The following CNTNAP2 variants were observed in gnomAD, a reference collection of about 807,000 sequenced individuals.
CNTNAP2 encodes contactin-associated protein-like 2.
In CNTNAP2, 98 loss-of-function variants were observed where a neutral mutation model predicts 155.2. The observed-to-expected ratio is 0.63, with a 90% CI of 0.54 to 0.75. The LOEUF is 0.75. Among genes scored for constraint, CNTNAP2 ranks in the 30% least tolerant of loss-of-function variants. The pLI is 0.00. For synonymous variants in CNTNAP2, 651 were observed against 631.2 expected (o/e 1.03, Z -0.47); for missense variants, 1,727 against 1,688.1 (o/e 1.02, Z -0.40).
At position 147,186,921 on chromosome 7, in the gene CNTNAP2, C is replaced by T. The variant is rs142825899; in HGVS notation, c.1348+54412C>T. 3.3e-3 allele frequency among the ~76,000 whole-genome samples: 313 copies of T among 94,302 alleles called. 19 individuals carry two copies. The highest frequency in any genetic ancestry group is 8.0e-3 in the African/African-American group (299 of 37,220). 61.9% of individuals were successfully genotyped at this position (94,302 alleles called of 152,430 possible). The stretch of plus-strand genomic sequence containing the variant: ...AAACTGTAGTGCATATTGTTATCAC[C>T]TGGCAGACTTGTTAAACTGAAGGTT... On this transcript the variant is annotated intron_variant, in intron 8 of 23. Coordinates refer to ENST00000361727, the MANE Select transcript of CNTNAP2 (RefSeq NM_014141.6).
At chr7:147,872,751 T>C (rs1799349931) in intron 13 of CNTNAP2, among the ~76,000 whole-genome samples, 1 of 152,226 alleles carries the variant, frequency 6.6e-6, no homozygotes, top group African/African-American at 2.4e-5. Context: ...CGTAGATTAC[T>C]TCCTCAATTC....
At chr7:147,175,260 C>CTTT (rs1417078711) in intron 8 of CNTNAP2, among the ~76,000 whole-genome samples, 3 of 90,880 alleles carry the variant, frequency 3.3e-5, no homozygotes, top group Non-Finnish European at 6.8e-5. Context: ...AGCCCTTCTG[C>CTTT]TCTTTTTTTG....
At chr7:147,223,528 G>A (rs1803452776) in intron 8 of CNTNAP2, among the ~76,000 whole-genome samples, 1 of 152,188 alleles carries the variant, frequency 6.6e-6, no homozygotes, top group African/African-American at 2.4e-5. Context: ...GCATTGTGAT[G>A]CACTGGGGAA....
At chr7:147,046,195 C>T (rs1799352854) in intron 4 of CNTNAP2, among the ~76,000 whole-genome samples, 1 of 152,160 alleles carries the variant, frequency 6.6e-6, no homozygotes, top group Admixed American at 6.5e-5. Flanking sequence ...GCAAAATAAG[C>T]ACCCACCTGA....
At chr7:148,132,967 A>G (rs932415221) in intron 16 of CNTNAP2, among the ~76,000 whole-genome samples, 1 of 152,234 alleles carries the variant, frequency 6.6e-6, no homozygotes, top group Non-Finnish European at 1.5e-5. Flanking sequence ...GGTATTGAAA[A>G]TAGAGTAAAA....
chr7:146,713,342 AC>A (rs1801131490), intron 1 of CNTNAP2, among the ~76,000 whole-genome samples: 1 of 152,148 alleles, frequency 6.6e-6, no homozygotes, highest in Admixed American at 6.6e-5. Flanking sequence ...CATCATTTGC[AC>A]TAAATGGTCA....
chr7:146,570,200 G>T (rs1798420157), intron 1 of CNTNAP2, among the ~76,000 whole-genome samples: 1 of 131,828 alleles, frequency 7.6e-6, no homozygotes, highest in Non-Finnish European at 1.6e-5. Context: ...GCACTGGTCT[G>T]TAGACACAGC....
intron 21 of CNTNAP2, among the ~76,000 whole-genome samples, chr7:148,343,640 A>C (rs1177105255): frequency 6.6e-6 from 1 of 152,198 alleles, no homozygotes; most frequent in Non-Finnish European, 1.5e-5. Flanking sequence ...CAATCTGGAG[A>C]GGTGCTGAAA....
Position 147,991,332 on chromosome 7 carries a change from G to T in CNTNAP2, c.2383+13343G>T, listed in dbSNP as rs188642823. On this transcript the variant is annotated intron_variant, in intron 15 of 23. Coordinates refer to ENST00000361727, the MANE Select transcript of CNTNAP2 (RefSeq NM_014141.6). The stretch of plus-strand genomic sequence containing the variant: ...GAATGGTTAAATAACCACAAAAGAT[G>T]ATTTAAATTAGCATTTCCAAGTAAC... 2.4e-3 allele frequency among the ~76,000 whole-genome samples: 344 copies of T among 145,810 alleles called. 7 individuals are homozygous for T. The highest frequency in any genetic ancestry group is 0.021 in the Admixed American group (301 of 14,296).
chr7:147,503,966 A>C (rs1798863170), intron 11 of CNTNAP2, among the ~76,000 whole-genome samples: 1 of 152,234 alleles, frequency 6.6e-6, no homozygotes, highest in African/African-American at 2.4e-5. Flanking sequence ...TCAAAATTGC[A>C]TGTAAGGAAG....
intron 9 of CNTNAP2, among the ~76,000 whole-genome samples, chr7:147,386,530 G>A (rs1055439578): frequency 6.6e-6 from 1 of 152,110 alleles, no homozygotes; most frequent in Admixed American, 6.5e-5. Flanking sequence ...TAGGGCAGGG[G>A]CAAAATGCCA....
chr7:147,648,012 A>G (rs1299059159), intron 13 of CNTNAP2, among the ~76,000 whole-genome samples: 4 of 152,148 alleles, frequency 2.6e-5, no homozygotes, highest in Non-Finnish European at 5.9e-5. Flanking sequence ...GCCACTGAAG[A>G]CTGCATGGGG....
intron 1 of CNTNAP2, among the ~76,000 whole-genome samples, chr7:146,605,354 A>G (rs941784224): frequency 1.3e-5 from 2 of 151,304 alleles, no homozygotes; most frequent in Non-Finnish European, 2.9e-5. Context: ...ATGGATTCAG[A>G]GATTAAACAC....
At chr7:148,207,503 A>G (rs1319009307) in intron 18 of CNTNAP2, among the ~76,000 whole-genome samples, 2 of 152,246 alleles carry the variant, frequency 1.3e-5, no homozygotes, top group African/African-American at 4.8e-5. Context: ...TAGAGAAATA[A>G]TGAGTGAATT....
chr7:147,825,200 A>T (rs1157492928), intron 13 of CNTNAP2, among the ~76,000 whole-genome samples: 2 of 152,196 alleles, frequency 1.3e-5, no homozygotes, highest in African/African-American at 4.8e-5. Context: ...TTAAAAGAAA[A>T]TTGAAAGAGG....
chr7:147,192,795 G>A (rs1168548007), intron 8 of CNTNAP2, among the ~76,000 whole-genome samples: 1 of 152,090 alleles, frequency 6.6e-6, no homozygotes, highest in Non-Finnish European at 1.5e-5. Flanking sequence ...TGTTCGGATT[G>A]ATTTTTGTGC....
chr7:148,408,386 G>T (rs1585353158), intron 22 of CNTNAP2, among the ~76,000 whole-genome samples: 1 of 152,258 alleles, frequency 6.6e-6, no homozygotes, highest in East Asian at 1.9e-4. Flanking sequence ...AGGAAAAAGG[G>T]CTCTACCTGC....
At chr7:147,212,925 T>G (rs1443201845) in intron 8 of CNTNAP2, among the ~76,000 whole-genome samples, 1 of 152,178 alleles carries the variant, frequency 6.6e-6, no homozygotes, top group Non-Finnish European at 1.5e-5. Context: ...GAAGTTTCCC[T>G]AACATCAGGA....
At chr7:147,818,841 ACT>A (rs1411298787) in intron 13 of CNTNAP2, among the ~76,000 whole-genome samples, 1 of 152,044 alleles carries the variant, frequency 6.6e-6, no homozygotes, top group Non-Finnish European at 1.5e-5. Flanking sequence ...TTCTTAGGAG[ACT>A]CTGCATTTCA....
Sources: allele counts gnomAD v4.1 joint callset (sites outside exome capture counted in the v4.1 genomes callset), GRCh38; gene constraint gnomAD v4.1.1; transcripts MANE v1.5; gene names NCBI Gene and HGNC (gene_info 2026-07-23, HGNC 2026-07-21).